The following MEIG1 variants were observed in gnomAD, a reference collection of about 807,000 sequenced individuals.
MEIG1 encodes meiosis/spermiogenesis associated 1.
In MEIG1, 12 loss-of-function variants were observed where a neutral mutation model predicts 11.3. The observed-to-expected ratio is 1.07, with a 90% CI of 0.68 to 1.73. MEIG1 has a LOEUF of 1.73. Ranked by LOEUF, MEIG1 falls within the 40% of genes most tolerant of loss-of-function variation. MEIG1 has a pLI of 0.00. For synonymous variants in MEIG1, 41 were observed against 33.2 expected (o/e 1.24, Z -0.81); for missense variants, 119 against 104.9 (o/e 1.13, Z -0.59).
chr10:14,957,749 G>T (rs113218792), upstream of MEIG1, among the ~76,000 whole-genome samples: 8 of 152,174 alleles, frequency 5.3e-5, no homozygotes, highest in East Asian at 1.5e-3. Context: ...GGGTTCAAGC[G>T]ATTCTCCTGC....
chr10:14,957,388 G>A (rs555817585), upstream of MEIG1, among the ~76,000 whole-genome samples: 2 of 152,196 alleles, frequency 1.3e-5, no homozygotes, highest in Non-Finnish European at 2.9e-5. Flanking sequence ...CCACAGCATC[G>A]GAAGGGCAGT....
At chr10:14,956,649 T>A (rs898839174), upstream of MEIG1, among the ~76,000 whole-genome samples, 4 of 152,178 alleles carry the variant, frequency 2.6e-5, no homozygotes, top group Admixed American at 6.5e-5. Flanking sequence ...GGTAGGAAGC[T>A]GCTGCAATAC....
intron 2 of MEIG1, chr10:14,987,473 G>T: frequency 1.4e-6 from 1 of 714,358 alleles, no homozygotes; most frequent in Non-Finnish European, 2.6e-6. Context: ...GAAGGAAAGA[G>T]GATTGGAAAA....
chr10:14,987,064 A>G, intron 2 of MEIG1: 2 of 618,074 alleles, frequency 3.2e-6, no homozygotes, highest in South Asian at 3.0e-5. Flanking sequence ...GATGGCTACA[A>G]AGCCGTCATA....
chr10:14,966,063 A>ATTTTTTTTTTTTTT (rs1554805988), intron 1 of MEIG1, among the ~76,000 whole-genome samples: 1 of 58,096 alleles, frequency 1.7e-5, no homozygotes, highest in Non-Finnish European at 3.4e-5. Flanking sequence ...AGTTTTATTT[A>ATTTTTTTTTTTTTT]TTCTTTTTTT....
At chr10:14,962,030 C>T (rs189394550) in intron 1 of MEIG1, among the ~76,000 whole-genome samples, 1 of 152,140 alleles carries the variant, frequency 6.6e-6, no homozygotes, top group Admixed American at 6.6e-5. Flanking sequence ...GTCTTGAACT[C>T]GGACTCAAAG....
intron 1 of MEIG1, among the ~76,000 whole-genome samples, chr10:14,982,299 G>T (rs555578490): frequency 6.6e-6 from 1 of 152,162 alleles, no homozygotes; most frequent in African/African-American, 2.4e-5. Flanking sequence ...CTTTCATGTG[G>T]GTCCAACTGG....
At position 14,972,665 on chromosome 10, in the gene MEIG1, C is replaced by A. The variant is rs1367490066; in HGVS notation, c.*24C>A. On this transcript the variant is annotated 3_prime_UTR_variant, in exon 3 of 3. Transcript: ENST00000407572. Reference sequence around the variant, plus strand: ...AGCCTGTCTTCTTTGTATTACTTGTCAATTATATTTTAAGTATTCATCATT... The same window carrying A: ...AGCCTGTCTTCTTTGTATTACTTGTAAATTATATTTTAAGTATTCATCATT... 6.4e-7 allele frequency: 1 copy of A among 1,558,668 alleles called. No homozygotes were observed. The highest frequency in any genetic ancestry group is 2.3e-5 in the East Asian group (1 of 43,910).
At chr10:14,955,619 A>G (rs1842925966), upstream of MEIG1, among the ~76,000 whole-genome samples, 2 of 152,124 alleles carry the variant, frequency 1.3e-5, no homozygotes, top group Non-Finnish European at 2.9e-5. Flanking sequence ...AATCACTTGA[A>G]CCTGGGAGGC....
upstream of MEIG1, among the ~76,000 whole-genome samples, chr10:14,954,601 T>C (rs1420484537): frequency 1.3e-5 from 2 of 152,166 alleles, no homozygotes; most frequent in Non-Finnish European, 2.9e-5. Context: ...GTTTATATAA[T>C]CTACAAACTG....
upstream of MEIG1, among the ~76,000 whole-genome samples, chr10:14,956,278 C>G (rs563092770): frequency 6.6e-6 from 1 of 152,116 alleles, no homozygotes; most frequent in African/African-American, 2.4e-5. Context: ...CCACTGGATT[C>G]GAGTCTAAAG....
chr10:14,972,552 C>T lies in MEIG1; in HGVS notation c.178C>T (p.Gln60Ter), dbSNP rs367880346. ...WPETGYVKKL[Q>*]RRDNTFYYYN... ...GGAGACAGGATATGTGAAGAAACTT[C>T]AGAGAAGGGACAATACGTTCTATTA... Residue 60 changes from glutamine to a stop codon, truncating the protein, a stop_gained, in exon 3 of 3, where the codon CAG becomes TAG. Coordinates refer to ENST00000407572, the MANE Select transcript of MEIG1 (RefSeq NM_001080836.3). LOFTEE classifies it high-confidence loss of function. 11 of 1,613,948 alleles carry T rather than the reference C, an allele frequency of 6.8e-6. No individual in the cohort carries two copies. The highest frequency in any genetic ancestry group is 9.3e-6 in the Non-Finnish European group (11 of 1,179,998).
In MEIG1 at chr10:14,987,261, G is replaced by A. The variant is rs1309404842; in HGVS notation, n.285+247G>A. ...AGGTTGGAGAGGAAGAAGTACATGG[G>A]GGTATGGAGGGGGGAGTCAGAGCTG... On this transcript the variant is annotated intron_variant and non_coding_transcript_variant, in intron 2 of 2. Transcript: ENST00000467536. 7 of 858,464 alleles carry A rather than the reference G, an allele frequency of 8.2e-6. No homozygotes were observed. The Admixed American group carries it at 1.1e-4, about 13-fold the overall frequency. 53.2% of individuals were successfully genotyped at this position (858,464 alleles called of 1,614,324 possible).
intron 1 of MEIG1, among the ~76,000 whole-genome samples, chr10:14,963,130 C>T (rs1843035060): frequency 6.8e-6 from 1 of 147,484 alleles, no homozygotes; most frequent in South Asian, 2.2e-4. Context: ...GAGTTTTGCT[C>T]TTGTTGCCCA....
upstream of MEIG1, among the ~76,000 whole-genome samples, chr10:14,956,279 G>C (rs983173883): frequency 2.0e-5 from 3 of 152,060 alleles, no homozygotes; most frequent in Non-Finnish European, 2.9e-5. Flanking sequence ...CACTGGATTC[G>C]AGTCTAAAGA....
At chr10:14,974,385 G>C (rs541436231), downstream of MEIG1, among the ~76,000 whole-genome samples, 2 of 152,292 alleles carry the variant, frequency 1.3e-5, no homozygotes, top group African/African-American at 2.4e-5. Context: ...ATTAGGGCTT[G>C]TGGCTTTTCG....
chr10:14,960,620 T>C (rs1194343924), intron 1 of MEIG1, among the ~76,000 whole-genome samples: 1 of 151,824 alleles, frequency 6.6e-6, no homozygotes, highest in Admixed American at 6.5e-5. Context: ...GGGTTTCACT[T>C]TGTTGGCCAG....
upstream of MEIG1, among the ~76,000 whole-genome samples, chr10:14,958,127 C>A (rs1842970350): frequency 6.6e-6 from 1 of 152,104 alleles, no homozygotes; most frequent in South Asian, 2.1e-4. Context: ...GGCTCTAGGC[C>A]ACATCTACTA....
chr10:14,955,664 C>T (rs1842928143), upstream of MEIG1, among the ~76,000 whole-genome samples: 1 of 152,200 alleles, frequency 6.6e-6, no homozygotes, highest in Non-Finnish European at 1.5e-5. Flanking sequence ...TGCCAGTTCA[C>T]TCCAGCCTGG....
Sources: gnomAD v4.1 joint callset for allele counts (sites outside exome capture counted in the v4.1 genomes callset) on GRCh38, gnomAD v4.1.1 for gene constraint, MANE v1.5 for transcripts, NCBI Gene and HGNC (gene_info 2026-07-23, HGNC 2026-07-21) for gene names.